Variants in ATP6V1H observed in about 807,000 individuals in gnomAD.
ATP6V1H encodes V-type proton ATPase subunit H.
Under a neutral mutation model 71.7 loss-of-function variants are expected in ATP6V1H, and 39 were observed. The ratio of observed to expected loss-of-function variants is 0.54; its 90% CI spans 0.42 to 0.71. The LOEUF is 0.71. Among genes scored for constraint, ATP6V1H ranks in the 30% least tolerant of loss-of-function variants. The probability of loss-of-function intolerance (pLI) is 0.00; values close to 1 mark genes in which losing one functional copy is unlikely to be tolerated. For synonymous variants in ATP6V1H, 192 were observed against 199.3 expected (o/e 0.96, Z 0.31); for missense variants, 509 against 594.9 (o/e 0.86, Z 1.50).
chr8:53,797,653 C>A (rs1467902071), intron 8 of ATP6V1H, among the ~76,000 whole-genome samples: 1 of 152,138 alleles, frequency 6.6e-6, no homozygotes, highest in Non-Finnish European at 1.5e-5. Flanking sequence ...TGGGTGGTAT[C>A]TGCACTCACT....
intron 3 of ATP6V1H, 82 bp downstream of exon 3, chr8:53,832,902 G>T (rs1303236889): frequency 3.6e-6 from 3 of 842,108 alleles, no homozygotes; most frequent in Non-Finnish European, 5.7e-6. Context: ...AAGAAAACTG[G>T]AAGTCACTTA....
intron 9 of ATP6V1H, among the ~76,000 whole-genome samples, chr8:53,776,274 C>T (rs1276399430): frequency 2.6e-5 from 4 of 152,198 alleles, no homozygotes; most frequent in Admixed American, 1.3e-4. Flanking sequence ...CCCGCTCGTG[C>T]CTCTCCCTCC....
chr8:53,746,903 T>C (rs2130200652), intron 12 of ATP6V1H, among the ~76,000 whole-genome samples: 1 of 152,324 alleles, frequency 6.6e-6, no homozygotes, highest in South Asian at 2.1e-4. Flanking sequence ...ATAGGGGTAA[T>C]CTTGCTAACC....
chr8:53,783,003 C>T (rs1563464618), intron 9 of ATP6V1H, among the ~76,000 whole-genome samples: 1 of 151,604 alleles, frequency 6.6e-6, no homozygotes, highest in African/African-American at 2.4e-5. Context: ...CTAAAATTCT[C>T]TTTTTTTGTT....
At chr8:53,810,893 A>T (rs1810253089) in intron 7 of ATP6V1H, among the ~76,000 whole-genome samples, 1 of 152,180 alleles carries the variant, frequency 6.6e-6, no homozygotes, top group Non-Finnish European at 1.5e-5. Flanking sequence ...TGTGCTTCTG[A>T]ATTCTGATTT....
At chr8:53,776,957 AAGG>A (rs1047505590) in intron 9 of ATP6V1H, among the ~76,000 whole-genome samples, 1 of 152,214 alleles carries the variant, frequency 6.6e-6, no homozygotes, top group African/African-American at 2.4e-5. Context: ...GGAGATGACA[AAGG>A]AGTCAGTGAA....
intron 2 of ATP6V1H, among the ~76,000 whole-genome samples, chr8:53,837,120 G>C (rs985329802): frequency 6.6e-6 from 1 of 151,510 alleles, no homozygotes; most frequent in African/African-American, 2.4e-5. Context: ...CAGCCTGGGC[G>C]ACAAGAGTGA....
chr8:53,767,519 C>T (rs915542931), intron 11 of ATP6V1H, among the ~76,000 whole-genome samples: 3 of 152,032 alleles, frequency 2.0e-5, no homozygotes, highest in Non-Finnish European at 2.9e-5. Flanking sequence ...TAAAGATACA[C>T]TCTTTTTTTT....
rs187581411 is a variant in ATP6V1H at position 53,745,801 on chromosome 8, G to A, written c.1278-2111C>T. Reference sequence around the variant, plus strand: ...TTGTTTCTAGCGTAAGAGACAACATGGGATGGCAGAACGCTGCCTTGTTCC... The same window carrying A: ...TTGTTTCTAGCGTAAGAGACAACATAGGATGGCAGAACGCTGCCTTGTTCC... On this transcript the variant is annotated intron_variant, in intron 12 of 13. Transcript: ENST00000359530. Among the ~76,000 whole-genome samples the A allele has an allele frequency of 2.3e-3, 345 of 152,234 alleles. 2 individuals carry two copies. Among genetic ancestry groups the A allele is most frequent in the African/African-American group, 8.0e-3 (334 of 41,546 alleles).
chr8:53,748,400 A>G (rs1807681957), intron 12 of ATP6V1H, among the ~76,000 whole-genome samples: 1 of 152,234 alleles, frequency 6.6e-6, no homozygotes, highest in South Asian at 2.1e-4. Context: ...ATGTTTATTA[A>G]AATCTCAAAA....
chr8:53,831,228 AG>A (rs1810996066), intron 3 of ATP6V1H, among the ~76,000 whole-genome samples: 1 of 152,220 alleles, frequency 6.6e-6, no homozygotes, highest in African/African-American at 2.4e-5. Context: ...AACATCCTAG[AG>A]TGTACTTACA....
intron 3 of ATP6V1H, chr8:53,831,794 T>C (rs1316290698): frequency 6.7e-6 from 1 of 150,298 alleles, no homozygotes; most frequent in Admixed American, 6.6e-5. Context: ...AGACGAAGTT[T>C]TACCATGTTG....
At chr8:53,755,685 C>CTT (rs1807989892) in intron 12 of ATP6V1H, among the ~76,000 whole-genome samples, 1 of 24,256 alleles carries the variant, frequency 4.1e-5, no homozygotes, top group African/African-American at 1.6e-4. Flanking sequence ...TACCAGCGTA[C>CTT]ATATATATAT....
At chr8:53,824,099 G>C (rs1585829543) in intron 4 of ATP6V1H, among the ~76,000 whole-genome samples, 1 of 151,650 alleles carries the variant, frequency 6.6e-6, no homozygotes, top group Admixed American at 6.6e-5. Flanking sequence ...AATAAGATTA[G>C]TCTTCTATGA....
At chr8:53,747,161 A>C (rs1807630588) in intron 12 of ATP6V1H, among the ~76,000 whole-genome samples, 1 of 152,220 alleles carries the variant, frequency 6.6e-6, no homozygotes, top group Non-Finnish European at 1.5e-5. Context: ...AAATATCCTC[A>C]TAAGAATTCT....
chr8:53,724,586 C>G (rs1237233556), intron 13 of ATP6V1H, among the ~76,000 whole-genome samples: 2 of 143,822 alleles, frequency 1.4e-5, no homozygotes, highest in African/African-American at 5.2e-5. Context: ...CTCCTCCCCC[C>G]TCCCCCTCCT....
intron 11 of ATP6V1H, among the ~76,000 whole-genome samples, chr8:53,764,739 G>A (rs1380952837): frequency 6.6e-6 from 1 of 152,138 alleles, no homozygotes; most frequent in African/African-American, 2.4e-5. Context: ...CAGGATACAA[G>A]GTACATCTAT....
chr8:53,817,073 C>T (rs959625150), intron 5 of ATP6V1H, among the ~76,000 whole-genome samples: 3 of 152,050 alleles, frequency 2.0e-5, no homozygotes, highest in African/African-American at 7.2e-5. Flanking sequence ...ATATGGAAAG[C>T]TATGTCATAG....
chr8:53,812,210 G>GTA (rs1182608244), intron 6 of ATP6V1H, among the ~76,000 whole-genome samples: 1 of 152,098 alleles, frequency 6.6e-6, no homozygotes, highest in Non-Finnish European at 1.5e-5. Context: ...TAAGAAGCAA[G>GTA]GCCAGGCTAA....
Sources: gnomAD v4.1 joint callset for allele counts (sites outside exome capture counted in the v4.1 genomes callset) on GRCh38, gnomAD v4.1.1 for gene constraint, MANE v1.5 for transcripts, NCBI Gene and HGNC (gene_info 2026-07-23, HGNC 2026-07-21) for gene names.